The following IGLL5 variants were observed in gnomAD, a reference collection of about 807,000 sequenced individuals.
IGLL5 encodes immunoglobulin lambda like polypeptide 5, also known as immunoglobulin lambda-like polypeptide 5.
In IGLL5, 30 loss-of-function variants were observed where a neutral mutation model predicts 20.9. The ratio of observed to expected loss-of-function variants is 1.44; its 90% CI spans 1.07 to 1.95. The LOEUF (loss-of-function observed/expected upper bound fraction) is 1.95. Ranked by LOEUF, IGLL5 falls within the 30% of genes most tolerant of loss-of-function variation. IGLL5 has a pLI of 0.00. For synonymous variants in IGLL5, 203 were observed against 117.3 expected, an observed-to-expected ratio of 1.73 and a Z score of -4.72; for missense variants, 475 against 270.7, an observed-to-expected ratio of 1.75 and a Z score of -5.30.
intron 2 of IGLL5, 105 bp downstream of exon 2, chr22:22,893,923 GCA>G: frequency 2.4e-6 from 2 of 828,436 alleles, no homozygotes; most frequent in East Asian, 2.5e-5. Flanking sequence ...CCAGCCTTAA[GCA>G]CTGACCCTTA....
At chr22:22,888,803 G>C (rs2067648963) in intron 1 of IGLL5, among the ~76,000 whole-genome samples, 2 of 151,462 alleles carry the variant, frequency 1.3e-5, no homozygotes, top group South Asian at 2.1e-4. Flanking sequence ...GATGAACCGA[G>C]GGGAGCTGTC....
Position 22,893,893 on chromosome 22 carries a change from G to A in IGLL5, c.325+75G>A, listed in dbSNP as rs190155245. ...GGAAAATCTGTTTTCTCTCTCTGGGGCTTCCTCCCCTCTGTCCTCCCAGCC... is the reference window on the plus strand; with the variant it reads ...GGAAAATCTGTTTTCTCTCTCTGGGACTTCCTCCCCTCTGTCCTCCCAGCC... On this transcript the variant is annotated intron_variant, in intron 2 of 2. Transcript: ENST00000526893. 5.9e-5 allele frequency: 60 copies of A among 1,020,312 alleles called. 3 individuals carry two copies. Among genetic ancestry groups the A allele is most frequent in the Middle Eastern group, 4.1e-4 (2 of 4,910 alleles). 63.2% of individuals were successfully genotyped at this position (1,020,312 alleles called of 1,614,324 possible).
At chr22:22,892,127 A>G (rs927506029) in intron 1 of IGLL5, among the ~76,000 whole-genome samples, 2 of 151,254 alleles carry the variant, frequency 1.3e-5, no homozygotes, top group Non-Finnish European at 1.5e-5. Context: ...AGGTTGCTGT[A>G]AATTTGGGGA....
At chr22:22,890,271 A>T (rs2067788245) in intron 1 of IGLL5, among the ~76,000 whole-genome samples, 2 of 149,682 alleles carry the variant, frequency 1.3e-5, no homozygotes, top group Admixed American at 1.3e-4. Context: ...GTTGGTCAAT[A>T]TACTTCCAGA....
chr22:22,894,056 G>T, intron 2 of IGLL5, among the ~76,000 whole-genome samples: 3 of 151,496 alleles, frequency 2.0e-5, no homozygotes, highest in Non-Finnish European at 4.4e-5. Flanking sequence ...ATTGGGCAGG[G>T]TCAGGGCTCC....
At chr22:22,888,633 C>T (rs1273001642) in intron 1 of IGLL5, among the ~76,000 whole-genome samples, 6 of 151,252 alleles carry the variant, frequency 4.0e-5, no homozygotes, top group African/African-American at 1.5e-4. Flanking sequence ...TGTTCCTCCC[C>T]CTCCTCCTCT....
In IGLL5 at chr22:22,893,783, A is replaced by AGGG; in HGVS notation, c.290_291insGGG (p.Tyr97delinsTer). 1 of 1,609,748 alleles carries AGGG rather than the reference A, an allele frequency of 6.2e-7. No homozygotes were observed. On this transcript the variant is annotated stop_gained, in exon 2 of 3. Coordinates refer to ENST00000526893, the MANE Select transcript of IGLL5 (RefSeq NM_001178126.2). LOFTEE classifies it high-confidence loss of function. ...TGGTCTGAGCCTCAGTCACTGTGTT[A>AGGG]TGTCTTCGGAACTGGGACCAAGGTC...
At chr22:22,894,131 G>A (rs781014393) in intron 2 of IGLL5, among the ~76,000 whole-genome samples, 7 of 151,510 alleles carry the variant, frequency 4.6e-5, no homozygotes, top group African/African-American at 7.3e-5. Flanking sequence ...GGGCCCTGCA[G>A]TGTCCTTAGG....
intron 1 of IGLL5, among the ~76,000 whole-genome samples, chr22:22,888,901 C>G (rs546818730): frequency 2.6e-5 from 4 of 151,324 alleles, no homozygotes; most frequent in East Asian, 2.0e-4. Flanking sequence ...GCTGGTCTCA[C>G]AGATCGAGGG....
intron 1 of IGLL5, 43 bp from the exon 2 acceptor site, chr22:22,893,657 C>G: frequency 7.6e-7 from 1 of 1,320,964 alleles, no homozygotes. Context: ...TGTCTAGGTC[C>G]CAGCCCCGCC....
At chr22:22,889,102 T>G (rs561721796) in intron 1 of IGLL5, among the ~76,000 whole-genome samples, 3 of 151,176 alleles carry the variant, frequency 2.0e-5, no homozygotes, top group African/African-American at 4.8e-5. Context: ...GTCAGATTTG[T>G]GTTTTTGGAA....
chr22:22,889,190 T>G (rs547989911), intron 1 of IGLL5, among the ~76,000 whole-genome samples: 1 of 150,880 alleles, frequency 6.6e-6, no homozygotes, highest in East Asian at 2.0e-4. Flanking sequence ...AAGTCCAGGG[T>G]AGGTGGGGAT....
At chr22:22,888,552 G>A (rs188441179) in intron 1 of IGLL5, among the ~76,000 whole-genome samples, 10 of 151,362 alleles carry the variant, frequency 6.6e-5, no homozygotes, top group South Asian at 2.1e-4. Context: ...CTCTGGGTAG[G>A]GAAGGAACAG....
chr22:22,888,971 C>A (rs569121082), intron 1 of IGLL5, among the ~76,000 whole-genome samples: 1 of 151,296 alleles, frequency 6.6e-6, no homozygotes, highest in Admixed American at 6.6e-5. Flanking sequence ...GAGGAGAGCA[C>A]AGGATGAGGC....
rs2066756359 is a variant in IGLL5, at chr22:22,895,840, T to C, written c.*146T>C. 2.5e-6 allele frequency: 2 copies of C among 801,402 alleles called. No homozygotes were observed. Among genetic ancestry groups the C allele is most frequent in the South Asian group, 1.6e-5 (1 of 61,754 alleles). The allele number at this position is 801,402 out of a possible 1,614,324, so 49.6% of individuals were successfully genotyped here. A position where few individuals can be genotyped will look rare whatever the true frequency, so the allele number is the denominator to read the frequency against. ...TCCTCATTGACAACCAGAAATCTTG[T>C]TTTATCTCATTTTTTTTCTCACATA... On this transcript the variant is annotated 3_prime_UTR_variant, in exon 3 of 3. Transcript: ENST00000526893.
At chr22:22,893,086 G>A (rs1164433112) in intron 1 of IGLL5, among the ~76,000 whole-genome samples, 2 of 151,132 alleles carry the variant, frequency 1.3e-5, no homozygotes, top group African/African-American at 4.9e-5. Flanking sequence ...TGACACAGAT[G>A]GGTGCTTGGG....
At chr22:22,889,339 A>C (rs1265987845) in intron 1 of IGLL5, among the ~76,000 whole-genome samples, 4 of 151,084 alleles carry the variant, frequency 2.6e-5, no homozygotes, top group East Asian at 4.1e-4. Context: ...GGGACTGTCT[A>C]TGGGCATTAA....
At chr22:22,894,594 T>G (rs541662314) in intron 2 of IGLL5, among the ~76,000 whole-genome samples, 4 of 151,280 alleles carry the variant, frequency 2.6e-5, no homozygotes, top group East Asian at 4.1e-4. Flanking sequence ...ACTCAGGAAA[T>G]GACCAGAGGG....
In IGLL5 at chr22:22,894,815, C is replaced by T. The variant is rs1601628768; in HGVS notation, c.326-560C>T. On this transcript the variant is annotated intron_variant, in intron 2 of 2. Coordinates refer to ENST00000526893, the MANE Select transcript of IGLL5 (RefSeq NM_001178126.2). The stretch of plus-strand genomic sequence containing the variant: ...AGCCCTGAGGCTTGTCTAGGTGGAG[C>T]CCACTCCTTGCCAGGAGAGCCAAGT... Among the ~76,000 whole-genome samples the T allele has an allele frequency of 3.3e-5, 5 of 151,332 alleles. 1 individual carries two copies. The highest frequency in any genetic ancestry group is 2.0e-4 in the East Asian group (1 of 4,926).
Sources: gnomAD v4.1 joint callset for allele counts (sites outside exome capture counted in the v4.1 genomes callset) on GRCh38, gnomAD v4.1.1 for gene constraint, MANE v1.5 for transcripts, NCBI Gene and HGNC (gene_info 2026-07-23, HGNC 2026-07-21) for gene names.